MTUS1: variants seen among roughly 807,000 people sequenced by gnomAD.
MTUS1 encodes microtubule associated scaffold protein 1, also known as microtubule-associated tumor suppressor 1.
A neutral mutation model predicts 120.8 loss-of-function variants in MTUS1; 109 were observed. That is an observed-to-expected ratio of 0.90 (90% CI 0.77 to 1.06). MTUS1 has a LOEUF of 1.06. Among genes scored for constraint, MTUS1 ranks in the 50% least tolerant of loss-of-function variants. The pLI, the probability that MTUS1 is intolerant of heterozygous loss-of-function variation, is 0.00. For missense variants in MTUS1, 2,210 were observed against 1,486.3 expected, an observed-to-expected ratio of 1.49 and a Z score of -8.01; for synonymous variants, 737 against 550.5, an observed-to-expected ratio of 1.34 and a Z score of -4.74.
At chr8:17,792,127 C>G (rs2051840482) in intron 1 of MTUS1, among the ~76,000 whole-genome samples, 3 of 152,110 alleles carry the variant, frequency 2.0e-5, no homozygotes, top group Admixed American at 2.0e-4. Flanking sequence ...TTTTCCAATT[C>G]TATAATAAAG....
intron 1 of MTUS1, among the ~76,000 whole-genome samples, chr8:17,783,132 G>C (rs2051020911): frequency 6.6e-6 from 1 of 152,152 alleles, no homozygotes; most frequent in African/African-American, 2.4e-5. Flanking sequence ...AGGATAACAT[G>C]TTGGCCCTTG....
intron 6 of MTUS1, among the ~76,000 whole-genome samples, chr8:17,708,223 A>T (rs415260): frequency 0.022 from 3,390 of 152,364 alleles, 56 homozygotes; most frequent in Non-Finnish European, 0.032. Flanking sequence ...ACAAGGGTCT[A>T]ATATCAGACT....
intron 3 of MTUS1, among the ~76,000 whole-genome samples, chr8:17,733,572 TA>T (rs1244606464): frequency 1.3e-5 from 2 of 152,168 alleles, no homozygotes; most frequent in South Asian, 2.1e-4. Flanking sequence ...GTAAACTTGA[TA>T]AACTATCCAA....
chr8:17,748,153 C>T (rs865789491), intron 2 of MTUS1: 1 of 152,146 alleles, frequency 6.6e-6, no homozygotes, highest in East Asian at 1.9e-4. Flanking sequence ...CACCCAATCT[C>T]GCCTGATCTT....
At chr8:17,716,744 C>A (rs947442067) in intron 4 of MTUS1, among the ~76,000 whole-genome samples, 1 of 152,068 alleles carries the variant, frequency 6.6e-6, no homozygotes, top group Non-Finnish European at 1.5e-5. Context: ...TTAGTGGAGA[C>A]GGGGTTTCAC....
chr8:17,687,266 GC>G (rs1816018359), intron 6 of MTUS1, among the ~76,000 whole-genome samples: 1 of 152,134 alleles, frequency 6.6e-6, no homozygotes, highest in Admixed American at 6.5e-5. Context: ...TGACCGCATG[GC>G]AGCCGATGAC....
chr8:17,703,356 G>A (rs538866076), intron 6 of MTUS1, among the ~76,000 whole-genome samples: 29 of 152,238 alleles, frequency 1.9e-4, no homozygotes, highest in South Asian at 4.2e-4. Context: ...TAGCTTGGCC[G>A]GGTGCGGTGG....
rs780601970 is a variant in MTUS1 at position 17,755,132 on chromosome 8, C to G, written c.676G>C (p.Glu226Gln). ...GTGACTTGAGGGTTTTCAAAGCTTT[C>G]TCTATCATAAGTAGTTTCTCTTGCA... ...THARETTYDRESFENPQVTPS... is the reference protein window; with the variant it reads ...THARETTYDRQSFENPQVTPS... Residue 226 changes from glutamate (E) to glutamine (Q), a missense_variant, in exon 2 of 15, where the codon GAA (glutamate) becomes CAA (glutamine). Glu to Gln is a conservative substitution (Grantham distance 29, BLOSUM62 2). Transcript: ENST00000693296. 1.1e-5 allele frequency: 17 copies of G among 1,613,928 alleles called. No homozygotes were observed. In the South Asian group the frequency reaches 1.8e-4, roughly 17 times the overall value.
intron 8 of MTUS1, 21 bp downstream of exon 8, chr8:17,675,165 A>G: frequency 1.2e-6 from 2 of 1,613,790 alleles, no homozygotes; most frequent in Non-Finnish European, 1.7e-6. Flanking sequence ...AAATTTAACA[A>G]CAACAACAAA....
intron 3 of MTUS1, among the ~76,000 whole-genome samples, chr8:17,729,284 C>G (rs555562447): frequency 6.6e-6 from 1 of 152,094 alleles, no homozygotes; most frequent in Non-Finnish European, 1.5e-5. Context: ...TACTCAAAAC[C>G]GTGGCTGCAG....
intron 2 of MTUS1, among the ~76,000 whole-genome samples, 156 bp from the exon 3 acceptor site, chr8:17,743,955 A>ACTCT (rs1479204493): frequency 4.6e-5 from 7 of 152,088 alleles, no homozygotes; most frequent in Non-Finnish European, 1.0e-4. Context: ...GCCTCATTAT[A>ACTCT]CTCTCCTCCC....
At chr8:17,780,186 G>C (rs1176019639) in intron 1 of MTUS1, among the ~76,000 whole-genome samples, 3 of 151,894 alleles carry the variant, frequency 2.0e-5, no homozygotes, top group Non-Finnish European at 2.9e-5. Context: ...TGCTCCACAA[G>C]GGACAGCCAA....
intron 8 of MTUS1, among the ~76,000 whole-genome samples, chr8:17,670,578 C>G (rs904797351): frequency 1.6e-4 from 25 of 152,160 alleles, no homozygotes; most frequent in Non-Finnish European, 4.4e-5. Flanking sequence ...AATCCCAGCA[C>G]TTTGGGAGGC....
At chr8:17,799,980 G>C (rs1236353525) in intron 1 of MTUS1, among the ~76,000 whole-genome samples, 1 of 151,704 alleles carries the variant, frequency 6.6e-6, no homozygotes, top group Non-Finnish European at 1.5e-5. Flanking sequence ...ACACTGTAAA[G>C]CACTGTACTA....
At position 17,678,883 on chromosome 8, in the gene MTUS1, A is replaced by G. The variant is rs140133081; in HGVS notation, c.2839-3631T>C. On this transcript the variant is annotated intron_variant, in intron 7 of 14. Coordinates refer to ENST00000693296, the MANE Select transcript of MTUS1 (RefSeq NM_001363059.2). The stretch of plus-strand genomic sequence containing the variant: ...GGAAGAAGCTTAATTACTACCATCA[A>G]TACTGTTGTTCACTTTGGCTGTCTG... Among the ~76,000 whole-genome samples the G allele has an allele frequency of 6.5e-3, 997 of 152,304 alleles. 10 individuals are homozygous for G. The highest frequency in any genetic ancestry group is 0.023 in the African/African-American group (936 of 41,562).
intron 1 of MTUS1, among the ~76,000 whole-genome samples, chr8:17,793,303 G>A (rs1254254363): frequency 6.6e-6 from 1 of 152,142 alleles, no homozygotes; most frequent in Non-Finnish European, 1.5e-5. Flanking sequence ...TGCTCCCAAA[G>A]CCATGGCCGT....
chr8:17,775,874 C>A (rs540029537), intron 1 of MTUS1, among the ~76,000 whole-genome samples: 4 of 152,332 alleles, frequency 2.6e-5, no homozygotes, highest in Admixed American at 2.6e-4. Context: ...TACTGAGTCG[C>A]ATGACTACGC....
rs114934969 is a variant in MTUS1, at chr8:17,780,651, T to G, written c.-155+20410A>C. Among the ~76,000 whole-genome samples the G allele has an allele frequency of 6.1e-3, 933 of 152,312 alleles. 10 individuals are homozygous for G. The highest frequency in any genetic ancestry group is 0.022 in the African/African-American group (900 of 41,566). ...AGCAAGCATTCCTCACCTTCACTATTATCCCAGGTCCAAGCCACCACTGTC... is the reference window on the plus strand; with the variant it reads ...AGCAAGCATTCCTCACCTTCACTATGATCCCAGGTCCAAGCCACCACTGTC... On this transcript the variant is annotated intron_variant, in intron 1 of 14. Coordinates refer to ENST00000693296, the MANE Select transcript of MTUS1 (RefSeq NM_001363059.2).
At chr8:17,698,813 C>G (rs1818474438) in intron 6 of MTUS1, among the ~76,000 whole-genome samples, 1 of 152,120 alleles carries the variant, frequency 6.6e-6, no homozygotes. Context: ...TCCAGGGTTC[C>G]TGTGAGAAAG....
Sources: allele counts gnomAD v4.1 joint callset (sites outside exome capture counted in the v4.1 genomes callset), GRCh38; gene constraint gnomAD v4.1.1; transcripts MANE v1.5; gene names NCBI Gene and HGNC (gene_info 2026-07-23, HGNC 2026-07-21).